AOAH: variants seen among roughly 807,000 people sequenced by gnomAD.
AOAH encodes the protein acyloxyacyl hydrolase, also known as acyloxyacyl hydrolase (neutrophil).
AOAH carries 64 observed loss-of-function variants against 92.2 expected under a neutral mutation model. The ratio of observed to expected loss-of-function variants is 0.69; its 90% CI spans 0.57 to 0.86. The LOEUF (loss-of-function observed/expected upper bound fraction) is 0.86, where lower values mean the gene tolerates loss of function less well. Ranked by LOEUF, AOAH falls within the 40% of genes least tolerant of loss-of-function variation. The probability of loss-of-function intolerance (pLI) is 0.00; values close to 1 mark genes in which losing one functional copy is unlikely to be tolerated. For synonymous variants in AOAH, 263 were observed against 254.5 expected (o/e 1.03, Z -0.32); for missense variants, 656 against 694.6 (o/e 0.94, Z 0.62).
At chr7:36,514,556 G>A in intron 20 of AOAH, 2 of 1,535,870 alleles carry the variant, frequency 1.3e-6, no homozygotes, top group East Asian at 4.9e-5. Context: ...TGTCTGGCTT[G>A]TCATTAATAT....
intron 19 of AOAH, among the ~76,000 whole-genome samples, chr7:36,527,517 G>A: frequency 6.6e-6 from 1 of 152,088 alleles, no homozygotes; most frequent in South Asian, 2.1e-4. Flanking sequence ...TACTTCACAG[G>A]CGTGAATGGA....
intron 12 of AOAH, among the ~76,000 whole-genome samples, chr7:36,585,146 G>T (rs1480846307): frequency 1.3e-5 from 2 of 151,782 alleles, no homozygotes; most frequent in Admixed American, 1.3e-4. Context: ...GTCTGGAGGG[G>T]TATAAAAAAG....
At chr7:36,624,180 C>A (rs4720207) in intron 6 of AOAH, among the ~76,000 whole-genome samples, 30,601 of 152,160 alleles carry the variant, frequency 0.2, 3,649 homozygotes, top group African/African-American at 0.3. Flanking sequence ...TAAATCCCTT[C>A]ATTCCTTCCT....
At chr7:36,657,771 G>T (rs1186886746) in intron 4 of AOAH, among the ~76,000 whole-genome samples, 5 of 152,196 alleles carry the variant, frequency 3.3e-5, no homozygotes, top group African/African-American at 1.2e-4. Context: ...AATTGAGAAG[G>T]GGGTCAGGGT....
intron 13 of AOAH, among the ~76,000 whole-genome samples, chr7:36,559,444 C>T (rs1386773095): frequency 6.6e-6 from 1 of 152,164 alleles, no homozygotes; most frequent in Non-Finnish European, 1.5e-5. Flanking sequence ...GCCATTCTGA[C>T]TGGTGTGAGA....
chr7:36,513,507 C>A (rs1790164000), intron 20 of AOAH, 127 bp from the exon 21 acceptor site: 2 of 865,382 alleles, frequency 2.3e-6, no homozygotes, highest in Non-Finnish European at 3.6e-6. Flanking sequence ...ACCCCCATGT[C>A]TCTGTATAAC....
chr7:36,647,990 C>G (rs886846201), intron 4 of AOAH, among the ~76,000 whole-genome samples: 2 of 151,954 alleles, frequency 1.3e-5, no homozygotes, highest in African/African-American at 4.8e-5. Flanking sequence ...GCCATCATGC[C>G]GGGCTAATTT....
intron 3 of AOAH, among the ~76,000 whole-genome samples, chr7:36,666,680 A>G (rs1562675290): frequency 6.6e-6 from 1 of 151,908 alleles, no homozygotes; most frequent in African/African-American, 2.4e-5. Context: ...TTAGGTTTTT[A>G]TGTTTTTCTA....
At chr7:36,649,234 C>T (rs1280871220) in intron 4 of AOAH, among the ~76,000 whole-genome samples, 1 of 152,160 alleles carries the variant, frequency 6.6e-6, no homozygotes, top group Non-Finnish European at 1.5e-5. Flanking sequence ...TTTGATTGCT[C>T]TGGAAAGCTG....
chr7:36,637,734 A>G, intron 5 of AOAH, 117 bp downstream of exon 5: 1 of 872,564 alleles, frequency 1.1e-6, no homozygotes, highest in Non-Finnish European at 1.9e-6. Context: ...CCACGTAGCT[A>G]TGGCATGTTG....
chr7:36,567,309 G>A (rs1218382300), intron 13 of AOAH, among the ~76,000 whole-genome samples: 2 of 152,122 alleles, frequency 1.3e-5, no homozygotes, highest in Non-Finnish European at 2.9e-5. Context: ...CCAAATAGCG[G>A]ACAGTATGGC....
At chr7:36,563,420 G>A (rs1416180982) in intron 13 of AOAH, among the ~76,000 whole-genome samples, 1 of 152,130 alleles carries the variant, frequency 6.6e-6, no homozygotes, top group African/African-American at 2.4e-5. Flanking sequence ...GAAGATACCA[G>A]AGGATAGCAT....
At chr7:36,546,113 A>G (rs1016827565) in intron 15 of AOAH, among the ~76,000 whole-genome samples, 3 of 152,256 alleles carry the variant, frequency 2.0e-5, no homozygotes, top group Admixed American at 6.5e-5. Context: ...GCTAAAAGCT[A>G]TCTTCCAATC....
intron 2 of AOAH, among the ~76,000 whole-genome samples, chr7:36,677,121 T>C (rs1190792114): frequency 6.6e-6 from 1 of 151,706 alleles, no homozygotes. Context: ...TTGCACTTCA[T>C]AGAACACCAA....
At chr7:36,616,271 A>C in intron 11 of AOAH, 109 bp downstream of exon 11, 1 of 862,840 alleles carries the variant, frequency 1.2e-6, no homozygotes, top group Non-Finnish European at 1.9e-6. Flanking sequence ...GATTTTGCTA[A>C]AGAGGGAAAT....
intron 6 of AOAH, among the ~76,000 whole-genome samples, chr7:36,631,348 C>CA (rs1793077417): frequency 1.6e-5 from 2 of 123,440 alleles, no homozygotes; most frequent in South Asian, 3.2e-4. Flanking sequence ...ACTCCATCAT[C>CA]TCAAAAAAAA....
intron 1 of AOAH, among the ~76,000 whole-genome samples, chr7:36,721,577 A>G (rs1438626035): frequency 6.6e-6 from 1 of 152,188 alleles, no homozygotes; most frequent in African/African-American, 2.4e-5. Flanking sequence ...TCTTGCTATT[A>G]TGACAACAGG....
At chr7:36,687,359 C>G (rs961504007) in intron 1 of AOAH, among the ~76,000 whole-genome samples, 3 of 152,082 alleles carry the variant, frequency 2.0e-5, no homozygotes, top group Non-Finnish European at 4.4e-5. Flanking sequence ...AAGCATACTA[C>G]TTGAAAGCAT....
intron 3 of AOAH, among the ~76,000 whole-genome samples, chr7:36,673,098 G>C (rs1230295988): frequency 2.0e-5 from 3 of 152,084 alleles, no homozygotes; most frequent in African/African-American, 7.2e-5. Flanking sequence ...GACTGTTTTG[G>C]GTGGTGGGTT....
Sources: allele counts gnomAD v4.1 joint callset (sites outside exome capture counted in the v4.1 genomes callset), GRCh38; gene constraint gnomAD v4.1.1; transcripts MANE v1.5; gene names NCBI Gene and HGNC (gene_info 2026-07-23, HGNC 2026-07-21).